Variants in VPS13C observed in about 807,000 individuals in gnomAD.
VPS13C encodes the protein vacuolar protein sorting 13 homolog C, also known as intermembrane lipid transfer protein VPS13C.
In VPS13C, 358 loss-of-function variants were observed where a neutral mutation model predicts 456.8. That is an observed-to-expected ratio of 0.78 (90% CI 0.72 to 0.86). VPS13C has a LOEUF of 0.86. Ranked by LOEUF, VPS13C falls within the 40% of genes least tolerant of loss-of-function variation. The probability of loss-of-function intolerance (pLI) is 0.00; values close to 1 mark genes in which losing one functional copy is unlikely to be tolerated. For synonymous variants in VPS13C, 1,578 were observed against 1,486.7 expected (o/e 1.06, Z -1.41); for missense variants, 4,818 against 4,385.4 (o/e 1.10, Z -2.79).
At chr15:61,994,670 A>T (rs766396108) in intron 16 of VPS13C, among the ~76,000 whole-genome samples, 1 of 151,548 alleles carries the variant, frequency 6.6e-6, no homozygotes, top group Non-Finnish European at 1.5e-5. Context: ...GCTCACTGCA[A>T]CCTCCACCTC....
chr15:61,866,363 G>T, intron 81 of VPS13C: 1 of 983,438 alleles, frequency 1.0e-6, no homozygotes, highest in Non-Finnish European at 1.2e-6. Flanking sequence ...TTGAAGTTTT[G>T]TGCTTTTTGA....
In VPS13C at chr15:61,940,673, T is replaced by TA; in HGVS notation, c.5574_5575insT (p.Ile1859TyrfsTer14). 1 of 1,613,586 alleles carries TA rather than the reference T, an allele frequency of 6.2e-7. No homozygotes were observed. The highest frequency in any genetic ancestry group is 8.5e-7 in the Non-Finnish European group (1 of 1,179,780). On this transcript the variant is annotated frameshift_variant, in exon 47 of 85. Coordinates refer to ENST00000644861, the MANE Select transcript of VPS13C (RefSeq NM_020821.3). LOFTEE classifies it high-confidence loss of function. ...TGCATAGGTTTTAGTTTTCCTTTTA[T>TA]CTCCATCCCTGGAATTTGCACATAC...
At chr15:62,012,063 A>G (rs951500980) in intron 12 of VPS13C, 44 bp downstream of exon 12, 5 of 1,177,406 alleles carry the variant, frequency 4.2e-6, no homozygotes, top group Non-Finnish European at 6.2e-6. Context: ...ATTTAATTCT[A>G]TGTTTCTTCC....
Position 61,854,352 on chromosome 15 carries a change from TA to T in VPS13C, c.*104del. ...ACTAGCTATTCCAGAAAACTAAAAC[TA>T]AAGGATTGCTTGAAAAATTGTCTTT... On this transcript the variant is annotated 3_prime_UTR_variant, in exon 85 of 85. Coordinates refer to ENST00000644861, the MANE Select transcript of VPS13C (RefSeq NM_020821.3). 3.6e-6 allele frequency: 4 copies of T among 1,097,700 alleles called. No individual in the cohort carries two copies. The highest frequency in any genetic ancestry group is 5.6e-6 in the Non-Finnish European group (4 of 714,810). 68.0% of individuals were successfully genotyped at this position (1,097,700 alleles called of 1,614,324 possible).
At chr15:62,053,464 A>G (rs2140793628) in intron 1 of VPS13C, among the ~76,000 whole-genome samples, 1 of 152,322 alleles carries the variant, frequency 6.6e-6, no homozygotes, top group Middle Eastern at 3.4e-3. Context: ...TTTACTCACC[A>G]ATATCGGGTG....
intron 2 of VPS13C, among the ~76,000 whole-genome samples, chr15:62,043,522 C>T (rs1034092830): frequency 1.3e-5 from 2 of 152,154 alleles, no homozygotes; most frequent in East Asian, 3.9e-4. Flanking sequence ...AGAAGAATTG[C>T]TTGAACCTGG....
At position 62,045,121 on chromosome 15, in the gene VPS13C, T is replaced by C. The variant is rs2048360468; in HGVS notation, c.101-866A>G. 2.0e-5 allele frequency among the ~76,000 whole-genome samples: 3 copies of C among 152,262 alleles called. 1 individual carries two copies. In the South Asian group the frequency reaches 6.2e-4, roughly 32 times the overall value. ...TAATTTGTTTACATCATTTTAGAGATCTGCTTTTCCCAGATCTCAAAATTA... is the reference window on the plus strand; with the variant it reads ...TAATTTGTTTACATCATTTTAGAGACCTGCTTTTCCCAGATCTCAAAATTA... On this transcript the variant is annotated intron_variant, in intron 1 of 84. Coordinates refer to ENST00000644861, the MANE Select transcript of VPS13C (RefSeq NM_020821.3).
chr15:61,875,877 T>C (rs1566962289), intron 75 of VPS13C, 32 bp from the exon 76 acceptor site: 1 of 1,350,296 alleles, frequency 7.4e-7, no homozygotes, highest in African/African-American at 1.5e-5. Flanking sequence ...ATTAAGTCCT[T>C]CACAACTATT....
At chr15:62,031,629 G>C (rs940546918) in intron 5 of VPS13C, among the ~76,000 whole-genome samples, 2 of 151,818 alleles carry the variant, frequency 1.3e-5, no homozygotes, top group Non-Finnish European at 2.9e-5. Flanking sequence ...AGTGTTAAAA[G>C]AGTTTCACTT....
chr15:61,936,896 A>G lies in VPS13C; in HGVS notation c.5602-146T>C, dbSNP rs974189245. 5 of 905,596 alleles carry G rather than the reference A, an allele frequency of 5.5e-6. No individual in the cohort carries two copies. In the Admixed American group the frequency reaches 8.9e-5, roughly 16 times the overall value. The allele number at this position is 905,596 out of a possible 1,614,324, so 56.1% of individuals were successfully genotyped here. On this transcript the variant is annotated intron_variant, in intron 47 of 84. Transcript: ENST00000644861. ...GAGTTAGGACTATAAATACCAGAAC[A>G]GAAGTATTTCACCTTGTTTACTGTG...
At chr15:62,031,574 T>C (rs1725521873) in intron 5 of VPS13C, among the ~76,000 whole-genome samples, 1 of 152,030 alleles carries the variant, frequency 6.6e-6, no homozygotes. Context: ...TGAATTCATC[T>C]TTTAGTCTCA....
At chr15:61,915,476 A>C (rs983394689) in intron 61 of VPS13C, among the ~76,000 whole-genome samples, 157 bp downstream of exon 61, 2 of 152,222 alleles carry the variant, frequency 1.3e-5, no homozygotes, top group African/African-American at 4.8e-5. Context: ...ATTAGTTCCT[A>C]ACATCCCACT....
At chr15:61,914,806 C>G (rs2043410890) in intron 61 of VPS13C, among the ~76,000 whole-genome samples, 1 of 145,944 alleles carries the variant, frequency 6.9e-6, no homozygotes, top group South Asian at 2.2e-4. Flanking sequence ...GGTGATCCAC[C>G]AGCCTCAGCC....
At chr15:61,971,210 A>C (rs936144609) in intron 27 of VPS13C, among the ~76,000 whole-genome samples, 1 of 152,158 alleles carries the variant, frequency 6.6e-6, no homozygotes, top group African/African-American at 2.4e-5. Context: ...AAGTCAGTGG[A>C]GGATACTGAG....
chr15:61,985,998 G>C (rs2046040021), intron 18 of VPS13C, among the ~76,000 whole-genome samples: 1 of 151,876 alleles, frequency 6.6e-6, no homozygotes, highest in African/African-American at 2.4e-5. Flanking sequence ...AAGGTGAACT[G>C]GAAGCAGGCA....
At position 62,037,324 on chromosome 15, in the gene VPS13C, T is replaced by A. The variant is rs1239418547; in HGVS notation, c.188-2272A>T. On this transcript the variant is annotated intron_variant, in intron 3 of 84. Coordinates refer to ENST00000644861, the MANE Select transcript of VPS13C (RefSeq NM_020821.3). ...AATATATATATAAATATATTATATA[T>A]TATATACATTTATATATAATATATT... is the stretch of plus-strand genomic sequence containing the variant. Among the ~76,000 whole-genome samples the A allele has an allele frequency of 1.1e-4, 9 of 85,496 alleles. No homozygotes were observed. In the South Asian group the frequency reaches 1.1e-3, roughly 11 times the overall value. 56.1% of individuals were successfully genotyped at this position (85,496 alleles called of 152,430 possible).
chr15:61,999,311 T>A (rs929280346), intron 16 of VPS13C, among the ~76,000 whole-genome samples: 1 of 149,738 alleles, frequency 6.7e-6, no homozygotes, highest in African/African-American at 2.5e-5. Flanking sequence ...ACCTGGGAGG[T>A]AGAGGTTGCA....
intron 9 of VPS13C, among the ~76,000 whole-genome samples, chr15:62,014,449 AT>A (rs2047156309): frequency 6.6e-6 from 1 of 152,162 alleles, no homozygotes; most frequent in South Asian, 2.1e-4. Context: ...CAAGGGCGTT[AT>A]TGAGAAACTT....
chr15:61,941,810 T>C lies in VPS13C; in HGVS notation c.5406A>G (p.Pro1802=). The C allele has an allele frequency of 4.3e-6, 7 of 1,613,614 alleles. No homozygotes were observed. Among genetic ancestry groups the C allele is most frequent in the Non-Finnish European group, 5.9e-6 (7 of 1,179,660 alleles). The change falls in exon 46 of 85, where the codon CCA becomes CCG. Residue 1802 remains proline, a synonymous_variant. Transcript: ENST00000644861. ...GTTCGATGTTCATTTTATCAATGAC[T>C]GGAGGAAGAGAATAATGTTCCATAG... ...LVPMEHYSLP[P]VIDKMNIELT...
Sources: gnomAD v4.1 joint callset for allele counts (sites outside exome capture counted in the v4.1 genomes callset) on GRCh38, gnomAD v4.1.1 for gene constraint, MANE v1.5 for transcripts, NCBI Gene and HGNC (gene_info 2026-07-23, HGNC 2026-07-21) for gene names.